Variants in CLIP2 observed in about 807,000 individuals in gnomAD.
CLIP2 encodes the protein CAP-Gly domain-containing linker protein 2.
In CLIP2, 41 loss-of-function variants were observed where a neutral mutation model predicts 111.7. That is an observed-to-expected ratio of 0.37 (90% CI 0.29 to 0.48). The LOEUF is 0.48. Ranked by LOEUF, CLIP2 falls within the 20% of genes least tolerant of loss-of-function variation. CLIP2 has a pLI of 0.99. For missense variants in CLIP2, 1,160 were observed against 1,422.1 expected, an observed-to-expected ratio of 0.82 and a Z score of 2.96; for synonymous variants, 660 against 644.2, an observed-to-expected ratio of 1.02 and a Z score of -0.37.
Position 74,317,650 on chromosome 7 carries a change from C to T in CLIP2, c.104C>T (p.Ala35Val). Residue 35 changes from alanine to valine, a missense_variant, in exon 2 of 17, where the codon GCC becomes GTC. Physicochemically the swap from Ala to Val is moderately conservative, Grantham distance 64 (BLOSUM62 0). Transcript: ENST00000223398. ...TCAGCTTCATCCTCGGCGGCGGTGG[C>T]CGCTAGCTCCAAGGAAGGTACGTGG... ...TGSASSSAAV[A>V]ASSKEGSPLH... The T allele has an allele frequency of 6.7e-7, 1 of 1,501,930 alleles. No individual in the cohort carries two copies. Among genetic ancestry groups the T allele is most frequent in the Non-Finnish European group, 8.9e-7 (1 of 1,118,486 alleles). 93.0% of individuals were successfully genotyped at this position (1,501,930 alleles called of 1,614,324 possible). A position where few individuals can be genotyped will look rare whatever the true frequency, so the allele number is the denominator to read the frequency against.
chr7:74,344,746 T>A (rs1363900274), intron 3 of CLIP2, among the ~76,000 whole-genome samples: 2 of 152,018 alleles, frequency 1.3e-5, no homozygotes, highest in African/African-American at 4.8e-5. Flanking sequence ...CATTCGAGGT[T>A]GGAATTACAG....
chr7:74,347,628 C>T (rs1290931262), intron 3 of CLIP2, among the ~76,000 whole-genome samples: 2 of 152,218 alleles, frequency 1.3e-5, no homozygotes, highest in Non-Finnish European at 2.9e-5. Flanking sequence ...CTGGCGGCCA[C>T]GCCTACTCCC....
intron 1 of CLIP2, among the ~76,000 whole-genome samples, chr7:74,299,628 C>T (rs1177626975): frequency 6.6e-6 from 1 of 152,214 alleles, no homozygotes; most frequent in African/African-American, 2.4e-5. Flanking sequence ...CAGCCTCTTC[C>T]CCAGCCCTTG....
At chr7:74,314,780 G>C (rs1272715307) in intron 1 of CLIP2, among the ~76,000 whole-genome samples, 1 of 152,208 alleles carries the variant, frequency 6.6e-6, no homozygotes, top group Non-Finnish European at 1.5e-5. Flanking sequence ...TTGGGTGCAG[G>C]AAAGTTTGTG....
intron 3 of CLIP2, among the ~76,000 whole-genome samples, chr7:74,341,678 C>T (rs1364236114): frequency 6.7e-6 from 1 of 149,874 alleles, no homozygotes; most frequent in African/African-American, 2.5e-5. Context: ...ACTGCAGCCT[C>T]AAACTTGGAC....
intron 8 of CLIP2, among the ~76,000 whole-genome samples, chr7:74,367,344 C>A (rs993610071): frequency 1.3e-5 from 2 of 152,136 alleles, no homozygotes; most frequent in African/African-American, 4.8e-5. Flanking sequence ...GCATCCACCA[C>A]CATGCCCGGC....
At chr7:74,311,098 G>A (rs1374969456) in intron 1 of CLIP2, among the ~76,000 whole-genome samples, 1 of 151,588 alleles carries the variant, frequency 6.6e-6, no homozygotes, top group African/African-American at 2.4e-5. Flanking sequence ...TCCTGCCTCA[G>A]CCTCCCGAGT....
intron 1 of CLIP2, among the ~76,000 whole-genome samples, chr7:74,303,531 G>A (rs1554727174): frequency 1.3e-5 from 2 of 151,956 alleles, no homozygotes; most frequent in Non-Finnish European, 2.9e-5. Context: ...TCTGTTGGGG[G>A]CTTGCCTCTT....
intron 2 of CLIP2, among the ~76,000 whole-genome samples, chr7:74,330,206 G>T (rs1789237316): frequency 6.6e-6 from 1 of 151,544 alleles, no homozygotes; most frequent in South Asian, 2.1e-4. Flanking sequence ...TGGGACTACA[G>T]GCTTGAGCCA....
At chr7:74,292,182 A>C (rs1554725487) in intron 1 of CLIP2, among the ~76,000 whole-genome samples, 1 of 151,860 alleles carries the variant, frequency 6.6e-6, no homozygotes, top group Non-Finnish European at 1.5e-5. Context: ...TCAGGCTCCC[A>C]AAGTGCTGGT....
At chr7:74,392,101 C>T (rs1791305907) in intron 13 of CLIP2, among the ~76,000 whole-genome samples, 1 of 151,650 alleles carries the variant, frequency 6.6e-6, no homozygotes, top group Admixed American at 6.6e-5. Flanking sequence ...CCTGTAATCC[C>T]AGCACTTTGG....
At chr7:74,347,112 A>G (rs1584347065) in intron 3 of CLIP2, among the ~76,000 whole-genome samples, 1 of 151,966 alleles carries the variant, frequency 6.6e-6, no homozygotes, top group Non-Finnish European at 1.5e-5. Flanking sequence ...TTGCCTGATG[A>G]CTACTCGTTG....
At chr7:74,343,265 C>T (rs960535634) in intron 3 of CLIP2, among the ~76,000 whole-genome samples, 1 of 151,996 alleles carries the variant, frequency 6.6e-6, no homozygotes, top group South Asian at 2.1e-4. Context: ...TCCTGGACCC[C>T]TGCACCATCC....
At chr7:74,400,716 C>T (rs782596419) in intron 15 of CLIP2, among the ~76,000 whole-genome samples, 161 bp downstream of exon 15, 3 of 152,148 alleles carry the variant, frequency 2.0e-5, no homozygotes, top group Non-Finnish European at 4.4e-5. Context: ...TAGCCCTGTC[C>T]CAGAAACCCT....
chr7:74,347,331 C>T (rs1227328187), intron 3 of CLIP2, among the ~76,000 whole-genome samples: 3 of 152,106 alleles, frequency 2.0e-5, no homozygotes, highest in East Asian at 1.9e-4. Context: ...TGCAGTGGTG[C>T]GACCTCAGCT....
intron 13 of CLIP2, among the ~76,000 whole-genome samples, chr7:74,396,690 T>G (rs968575837): frequency 3.9e-5 from 6 of 151,984 alleles, no homozygotes; most frequent in African/African-American, 1.4e-4. Context: ...CTGGCTAATT[T>G]TTGTATTTTT....
At chr7:74,373,143 C>A in intron 9 of CLIP2, 107 bp downstream of exon 9, 1 of 663,312 alleles carries the variant, frequency 1.5e-6, no homozygotes, top group Non-Finnish European at 2.6e-6. Context: ...CTGCTATCAT[C>A]TTTTTTATTT....
At chr7:74,291,236 GCCTGGGAGGAGCCT>G (rs1307726384) in intron 1 of CLIP2, among the ~76,000 whole-genome samples, 1 of 152,106 alleles carries the variant, frequency 6.6e-6, no homozygotes, top group Non-Finnish European at 1.5e-5. Context: ...AGGTGGAGGC[GCCTGGGAGGAGCCT>G]CCTCCACACA....
In CLIP2 at chr7:74,354,092, C is replaced by T. The variant is rs782802058; in HGVS notation, c.803+88C>T. On this transcript the variant is annotated intron_variant, in intron 4 of 16. Coordinates refer to ENST00000223398, the MANE Select transcript of CLIP2 (RefSeq NM_003388.5). Reference sequence around the variant, plus strand: ...GATGGAGATGGGACATTGGAGGAAGCGAGTGTCCAGCATGTAGTGTCAGAC... The same window carrying T: ...GATGGAGATGGGACATTGGAGGAAGTGAGTGTCCAGCATGTAGTGTCAGAC... 3.7e-4 allele frequency: 536 copies of T among 1,455,578 alleles called. 1 individual carries two copies. Among genetic ancestry groups the T allele is most frequent in the Middle Eastern group, 1.1e-3 (5 of 4,700 alleles). The allele number at this position is 1,455,578 out of a possible 1,614,324, so 90.2% of individuals were successfully genotyped here.
Sources: allele counts gnomAD v4.1 joint callset (sites outside exome capture counted in the v4.1 genomes callset), GRCh38; gene constraint gnomAD v4.1.1; transcripts MANE v1.5; gene names NCBI Gene and HGNC (gene_info 2026-07-23, HGNC 2026-07-21).